Variants in ADCY3 observed in about 807,000 individuals in gnomAD.
ADCY3 encodes adenylate cyclase 3, also known as adenylate cyclase type 3.
A neutral mutation model predicts 119.4 loss-of-function variants in ADCY3; 70 were observed. That is an observed-to-expected ratio of 0.59 (90% CI 0.48 to 0.72). The LOEUF is 0.72. Among genes scored for constraint, ADCY3 ranks in the 30% least tolerant of loss-of-function variants. ADCY3 has a pLI of 0.00. For synonymous variants in ADCY3, 672 were observed against 621.4 expected, an observed-to-expected ratio of 1.08 and a Z score of -1.21; for missense variants, 1,238 against 1,541.6, an observed-to-expected ratio of 0.80 and a Z score of 3.30.
At chr2:24,828,617 G>A (rs985210327) in intron 13 of ADCY3, among the ~76,000 whole-genome samples, 7 of 152,202 alleles carry the variant, frequency 4.6e-5, no homozygotes, top group African/African-American at 1.7e-4. Flanking sequence ...TTGGGGGGAT[G>A]TTCACTGCCT....
intron 17 of ADCY3, among the ~76,000 whole-genome samples, 163 bp from the exon 18 acceptor site, chr2:24,823,518 G>A (rs1668116842): frequency 6.7e-6 from 1 of 149,452 alleles, no homozygotes. Flanking sequence ...TTAAGAGTGG[G>A]TCTTGCTGTG....
intron 2 of ADCY3, among the ~76,000 whole-genome samples, chr2:24,905,423 T>C (rs1202070221): frequency 1.3e-5 from 2 of 152,230 alleles, no homozygotes; most frequent in Non-Finnish European, 2.9e-5. Flanking sequence ...CGTGAGCCAC[T>C]GTGCCCAGCC....
chr2:24,859,227 T>C (rs1558463631), intron 3 of ADCY3, among the ~76,000 whole-genome samples: 1 of 152,198 alleles, frequency 6.6e-6, no homozygotes, highest in Non-Finnish European at 1.5e-5. Flanking sequence ...ATTTGACCCA[T>C]TACATTAGAC....
At chr2:24,891,282 GAAAT>G (rs1348640192) in intron 2 of ADCY3, among the ~76,000 whole-genome samples, 1 of 152,168 alleles carries the variant, frequency 6.6e-6, no homozygotes, top group Non-Finnish European at 1.5e-5. Flanking sequence ...AAAAATTTAA[GAAAT>G]AAATAATTCA....
chr2:24,839,842 C>T (rs1394172444), intron 7 of ADCY3, 31 bp downstream of exon 7: 1 of 1,613,494 alleles, frequency 6.2e-7, no homozygotes, highest in Non-Finnish European at 8.5e-7. Context: ...CTCCCCAGTC[C>T]TCAAACCTGC....
chr2:24,820,538 G>A, intron 21 of ADCY3, 186 bp downstream of exon 21: 2 of 1,403,442 alleles, frequency 1.4e-6, no homozygotes, highest in East Asian at 2.6e-5. Flanking sequence ...TTGTGGATGG[G>A]TGGAAGTGTT....
chr2:24,849,118 A>G (rs1245178683), intron 3 of ADCY3, among the ~76,000 whole-genome samples: 2 of 152,238 alleles, frequency 1.3e-5, no homozygotes, highest in African/African-American at 4.8e-5. Flanking sequence ...CCCAGCCTAC[A>G]TGCAGTGGCT....
chr2:24,824,305 G>C, intron 17 of ADCY3, 73 bp downstream of exon 17: 1 of 1,567,984 alleles, frequency 6.4e-7, no homozygotes, highest in East Asian at 2.3e-5. Context: ...TGGGCCCAGC[G>C]GGGGCTGCCT....
intron 2 of ADCY3, among the ~76,000 whole-genome samples, chr2:24,877,445 G>A (rs889768878): frequency 1.3e-5 from 2 of 152,164 alleles, no homozygotes; most frequent in Non-Finnish European, 2.9e-5. Context: ...CCCGCCTGAA[G>A]AACAAAGAGG....
In ADCY3 at chr2:24,842,305, T is replaced by C. The variant is rs750669097; in HGVS notation, c.905A>G (p.Lys302Arg). The change falls in exon 4 of 22, where the codon AAG becomes AGG. Residue 302 changes from lysine (K) to arginine (R), a missense_variant. Physicochemically the swap from Lys to Arg is conservative, Grantham distance 26 (BLOSUM62 2). This residue lies in a region of ADCY3 where 283 missense variants were observed against 437.2 expected (regional missense o/e 0.65). Transcript: ENST00000679454. The surrounding 1 kb of genome is among the most constrained non-coding windows in gnomAD (Gnocchi z 4.9). ...LKDMKKDESQ[K>R]DQQQFNTMYM... is the part of the protein sequence containing the mutation. Reference sequence around the variant, plus strand: ...CATGGTGTTGAACTGCTGCTGGTCCTTCTGGCTCTCGTCTTTCTTCATGTC... The same window carrying C: ...CATGGTGTTGAACTGCTGCTGGTCCCTCTGGCTCTCGTCTTTCTTCATGTC... 1 of 1,614,178 alleles carries C rather than the reference T, an allele frequency of 6.2e-7. No individual in the cohort carries two copies. Among genetic ancestry groups the C allele is most frequent in the Non-Finnish European group, 8.5e-7 (1 of 1,180,042 alleles).
In ADCY3 at chr2:24,825,092, C is replaced by G. The variant is rs551297889; in HGVS notation, c.2578-556G>C. Among the ~76,000 whole-genome samples, 137 of 152,138 alleles carry G rather than the reference C, an allele frequency of 9.0e-4. 2 individuals are homozygous for G. Among genetic ancestry groups the G allele is most frequent in the African/African-American group, 3.1e-3 (127 of 41,492 alleles). On this transcript the variant is annotated intron_variant, in intron 16 of 21. Transcript: ENST00000679454. ...CCGTGTGTAGGGGGCCTCTTGGGAC[C>G]TAATTTCAGCTGCAGGTCTGTCTCG...
At chr2:24,853,938 C>G (rs1220049658) in intron 3 of ADCY3, among the ~76,000 whole-genome samples, 1 of 152,204 alleles carries the variant, frequency 6.6e-6, no homozygotes, top group African/African-American at 2.4e-5. Flanking sequence ...ATACAATAAT[C>G]AGTACACAAT....
intron 3 of ADCY3, among the ~76,000 whole-genome samples, chr2:24,861,558 C>T (rs933032074): frequency 2.6e-5 from 4 of 152,114 alleles, no homozygotes; most frequent in African/African-American, 9.7e-5. Context: ...GTTTTTCCAT[C>T]TATTATCTCA....
intron 12 of ADCY3, 148 bp from the exon 13 acceptor site, chr2:24,830,973 G>A (rs1669410541): frequency 3.1e-6 from 2 of 648,490 alleles, no homozygotes; most frequent in Non-Finnish European, 5.5e-6. Context: ...AGCTGACCAA[G>A]GGGCAGAGCT....
rs2148818736 is a variant in ADCY3 at position 24,872,902 on chromosome 2, T to C, written c.676-183A>G. ...CCAGAGCCTCAGACACCACCACATGTACCACGGATGGGTGGTCCACCCAGG... is the reference window on the plus strand; with the variant it reads ...CCAGAGCCTCAGACACCACCACATGCACCACGGATGGGTGGTCCACCCAGG... On this transcript the variant is annotated intron_variant, in intron 2 of 21. Transcript: ENST00000679454. The surrounding 1 kb of genome is among the most constrained non-coding windows in gnomAD (Gnocchi z 4.4). Among the ~76,000 whole-genome samples, 1 of 152,334 alleles carries C rather than the reference T, an allele frequency of 6.6e-6. No individual in the cohort carries two copies. Among genetic ancestry groups the C allele is most frequent in the East Asian group, 1.9e-4 (1 of 5,182 alleles).
At chr2:24,871,952 G>C (rs1675064333) in intron 3 of ADCY3, among the ~76,000 whole-genome samples, 1 of 152,200 alleles carries the variant, frequency 6.6e-6, no homozygotes. Flanking sequence ...TGTAAACAAG[G>C]GCATCCCCGG....
Position 24,860,007 on chromosome 2 carries a change from G to C in ADCY3, c.825+12563C>G, listed in dbSNP as rs1673445192. ...GTGGACAGTCCTCACCTCCGAGGGA[G>C]GACCAGGCACAGGGCCAGTTAACCA... On this transcript the variant is annotated intron_variant, in intron 3 of 21. Coordinates refer to ENST00000679454, the MANE Select transcript of ADCY3 (RefSeq NM_004036.5). Among the ~76,000 whole-genome samples, 3 of 152,204 alleles carry C rather than the reference G, an allele frequency of 2.0e-5. No individual in the cohort carries two copies. In the South Asian group the frequency reaches 6.2e-4, roughly 32 times the overall value.
chr2:24,828,183 A>G (rs943353473), intron 13 of ADCY3, 22 bp from the exon 14 acceptor site: 1 of 1,610,754 alleles, frequency 6.2e-7, no homozygotes. Flanking sequence ...GACGGCGGGC[A>G]GGGACACACG....
At chr2:24,887,264 G>A (rs1264657011) in intron 2 of ADCY3, among the ~76,000 whole-genome samples, 1 of 152,136 alleles carries the variant, frequency 6.6e-6, no homozygotes, top group Non-Finnish European at 1.5e-5. Flanking sequence ...CAGCATGGGG[G>A]AAACCACCCC....
Sources: gnomAD v4.1 joint callset for allele counts (sites outside exome capture counted in the v4.1 genomes callset) on GRCh38, gnomAD v4.1.1 for gene constraint, gnomAD v4.1.1 regional missense constraint, Gnocchi (gnomAD v3.1) non-coding constraint, MANE v1.5 for transcripts, NCBI Gene and HGNC (gene_info 2026-07-23, HGNC 2026-07-21) for gene names.